Variants in CCDC91 observed in about 807,000 individuals in gnomAD.
The protein encoded by CCDC91 is coiled-coil domain containing 91, also known as coiled-coil domain-containing protein 91.
A neutral mutation model predicts 63.2 loss-of-function variants in CCDC91; 48 were observed. The observed-to-expected ratio is 0.76, with a 90% CI of 0.60 to 0.97. The LOEUF is 0.97. Ranked by LOEUF, CCDC91 falls within the 50% of genes least tolerant of loss-of-function variation. CCDC91 has a pLI of 0.00. For synonymous variants in CCDC91, 167 were observed against 165.8 expected (o/e 1.01, Z -0.06); for missense variants, 500 against 494.6 (o/e 1.01, Z -0.10).
At chr12:28,254,608 G>A (rs1211683596) in intron 1 of CCDC91, among the ~76,000 whole-genome samples, 2 of 151,980 alleles carry the variant, frequency 1.3e-5, no homozygotes, top group Admixed American at 6.5e-5. Context: ...TATTTAAAAT[G>A]CTCAGAAGTA....
intron 3 of CCDC91, among the ~76,000 whole-genome samples, chr12:28,298,227 T>G (rs1257345597): frequency 1.3e-5 from 2 of 151,832 alleles, no homozygotes; most frequent in East Asian, 3.8e-4. Flanking sequence ...TGATGCCTCA[T>G]AAATTGATAG....
chr12:28,320,331 A>G (rs562480751), intron 6 of CCDC91, among the ~76,000 whole-genome samples: 61 of 152,004 alleles, frequency 4.0e-4, no homozygotes, highest in Non-Finnish European at 5.7e-4. Context: ...GAGTGCACAC[A>G]GACTTTTTTT....
chr12:28,190,684 G>A (rs1429024122), intron 1 of CCDC91, 43 bp downstream of exon 1: 1 of 152,306 alleles, frequency 6.6e-6, no homozygotes, highest in Non-Finnish European at 1.5e-5. Context: ...CTTGGGGTCG[G>A]GGCCGCGCGA....
chr12:28,263,379 G>T (rs531228063), intron 3 of CCDC91, among the ~76,000 whole-genome samples: 1 of 151,830 alleles, frequency 6.6e-6, no homozygotes, highest in African/African-American at 2.4e-5. Flanking sequence ...AGCCTCTGGC[G>T]ACTAGGATCC....
chr12:28,315,124 T>C (rs1369056628), intron 6 of CCDC91, among the ~76,000 whole-genome samples: 2 of 150,894 alleles, frequency 1.3e-5, no homozygotes, highest in Non-Finnish European at 3.0e-5. Flanking sequence ...GAACAACATG[T>C]TAAGGGTATT....
At chr12:28,475,575 G>A (rs541472977) in intron 11 of CCDC91, among the ~76,000 whole-genome samples, 19 of 152,058 alleles carry the variant, frequency 1.2e-4, no homozygotes, top group African/African-American at 3.9e-4. Context: ...TTAAAATTAC[G>A]TGTGTTGCAG....
At chr12:28,340,183 T>C (rs1389893761) in intron 6 of CCDC91, among the ~76,000 whole-genome samples, 4 of 152,220 alleles carry the variant, frequency 2.6e-5, no homozygotes, top group Non-Finnish European at 5.9e-5. Context: ...CCTTACATAT[T>C]GGATAATATT....
chr12:28,458,033 G>A (rs1421221872), intron 11 of CCDC91, among the ~76,000 whole-genome samples: 1 of 152,022 alleles, frequency 6.6e-6, no homozygotes, highest in Non-Finnish European at 1.5e-5. Context: ...TTCCCGAGAA[G>A]CCACAGACAT....
intron 3 of CCDC91, among the ~76,000 whole-genome samples, chr12:28,297,569 C>G (rs1233755154): frequency 6.6e-6 from 1 of 151,842 alleles, no homozygotes; most frequent in African/African-American, 2.4e-5. Context: ...CAAATTGTAT[C>G]TATACTCTGC....
At chr12:28,529,292 A>G (rs887104383) in intron 12 of CCDC91, among the ~76,000 whole-genome samples, 2 of 152,224 alleles carry the variant, frequency 1.3e-5, no homozygotes, top group African/African-American at 4.8e-5. Flanking sequence ...TTTGCCTAGA[A>G]CAGCACACAG....
intron 12 of CCDC91, among the ~76,000 whole-genome samples, chr12:28,547,162 T>C (rs1593022546): frequency 6.6e-6 from 1 of 152,100 alleles, no homozygotes; most frequent in East Asian, 1.9e-4. Context: ...CATCCAAAAG[T>C]AGACAGAAAT....
At chr12:28,448,132 A>G (rs1301768973) in intron 8 of CCDC91, among the ~76,000 whole-genome samples, 1 of 152,084 alleles carries the variant, frequency 6.6e-6, no homozygotes, top group Non-Finnish European at 1.5e-5. Context: ...ACTACCGATA[A>G]TGATTATATA....
At chr12:28,202,820 C>T (rs543304471) in intron 1 of CCDC91, among the ~76,000 whole-genome samples, 1 of 152,192 alleles carries the variant, frequency 6.6e-6, no homozygotes. Context: ...ATTTCATTAC[C>T]TAGCTTTTCC....
At position 28,320,765 on chromosome 12, in the gene CCDC91, T is replaced by C. The variant is rs572377795; in HGVS notation, c.576+13016T>C. ...AAAGCATGTTGAAGGAGAAGACATA[T>C]TCAGAGTTTGGAAATTTGAGAAAAT... On this transcript the variant is annotated intron_variant, in intron 6 of 12. Coordinates refer to ENST00000536442, the MANE Select transcript of CCDC91 (RefSeq NM_018318.5). 5.9e-4 allele frequency among the ~76,000 whole-genome samples: 89 copies of C among 151,998 alleles called. 1 individual carries two copies. Among genetic ancestry groups the C allele is most frequent in the African/African-American group, 2.0e-3 (82 of 41,524 alleles).
intron 8 of CCDC91, among the ~76,000 whole-genome samples, chr12:28,449,729 A>C (rs1289017966): frequency 6.6e-6 from 1 of 152,016 alleles, no homozygotes; most frequent in African/African-American, 2.4e-5. Context: ...ATGCCTTACT[A>C]GGAACACAAA....
At chr12:28,196,786 A>G (rs890946420) in intron 1 of CCDC91, among the ~76,000 whole-genome samples, 1 of 152,210 alleles carries the variant, frequency 6.6e-6, no homozygotes, top group African/African-American at 2.4e-5. Context: ...TGCTGCAAAC[A>G]TTGTGGTGGC....
chr12:28,251,756 C>A (rs1365786926), intron 1 of CCDC91, among the ~76,000 whole-genome samples: 1 of 152,064 alleles, frequency 6.6e-6, no homozygotes, highest in African/African-American at 2.4e-5. Flanking sequence ...ATGAGCTAGT[C>A]TATTTCATTT....
At chr12:28,412,671 T>C in intron 8 of CCDC91, 1 of 435,988 alleles carries the variant, frequency 2.3e-6, no homozygotes, top group South Asian at 1.6e-5. Context: ...GAAGGGGACC[T>C]GAGCAGGTTG....
intron 6 of CCDC91, among the ~76,000 whole-genome samples, chr12:28,325,178 AT>A (rs1940870723): frequency 6.6e-6 from 1 of 152,050 alleles, no homozygotes; most frequent in African/African-American, 2.4e-5. Flanking sequence ...CATAAAAGTA[AT>A]TGAATGTATA....
Sources: gnomAD v4.1 joint callset for allele counts (sites outside exome capture counted in the v4.1 genomes callset) on GRCh38, gnomAD v4.1.1 for gene constraint, MANE v1.5 for transcripts, NCBI Gene and HGNC (gene_info 2026-07-23, HGNC 2026-07-21) for gene names.